Variants in CFAP70 observed in about 807,000 individuals in gnomAD.
CFAP70 encodes the protein cilia and flagella associated protein 70, also known as cilia- and flagella-associated protein 70.
In CFAP70, 81 loss-of-function variants were observed where a neutral mutation model predicts 137.6. The observed-to-expected ratio is 0.59, with a 90% CI of 0.49 to 0.71. The LOEUF is 0.71. Ranked by LOEUF, CFAP70 falls within the 30% of genes least tolerant of loss-of-function variation. The probability of loss-of-function intolerance (pLI) is 0.00; values close to 1 mark genes in which losing one functional copy is unlikely to be tolerated. For missense variants in CFAP70, 976 were observed against 1,226.7 expected, an observed-to-expected ratio of 0.80 and a Z score of 3.05; for synonymous variants, 382 against 423.6, an observed-to-expected ratio of 0.90 and a Z score of 1.20.
chr10:73,280,502 T>A (rs1238935576), intron 19 of CFAP70, among the ~76,000 whole-genome samples: 1 of 152,180 alleles, frequency 6.6e-6, no homozygotes, highest in Admixed American at 6.5e-5. Flanking sequence ...TGATTGGAAT[T>A]ATTTCTTCCT....
upstream of CFAP70, among the ~76,000 whole-genome samples, chr10:73,359,056 C>T (rs967918629): frequency 2.0e-4 from 30 of 152,160 alleles, no homozygotes; most frequent in African/African-American, 7.2e-4. Context: ...AAGAAAAAGG[C>T]CTTTATTAAA....
chr10:73,319,466 C>T (rs79231063), intron 9 of CFAP70, among the ~76,000 whole-genome samples: 15,418 of 152,214 alleles, frequency 0.1, 1,136 homozygotes, highest in Non-Finnish European at 0.16. Context: ...TGCAAGCCCC[C>T]CTACCCCCAC....
At chr10:73,285,394 G>A (rs189233875) in intron 19 of CFAP70, among the ~76,000 whole-genome samples, 4 of 152,204 alleles carry the variant, frequency 2.6e-5, no homozygotes, top group African/African-American at 7.2e-5. Flanking sequence ...TAAACTACAA[G>A]AAATATCAAA....
At chr10:73,292,478 G>A (rs989764759) in intron 16 of CFAP70, among the ~76,000 whole-genome samples, 1 of 152,084 alleles carries the variant, frequency 6.6e-6, no homozygotes, top group African/African-American at 2.4e-5. Context: ...CATGTTCATG[G>A]ATTGGATGAC....
At chr10:73,357,846 C>G (rs11000621) in intron 1 of CFAP70, among the ~76,000 whole-genome samples, 4,753 of 152,270 alleles carry the variant, frequency 0.031, 242 homozygotes, top group African/African-American at 0.1. Flanking sequence ...CAAATGCTTC[C>G]TAGTCCATGA....
At chr10:73,351,089 ATATATATATATATATATATATATG>A (rs1166065555) in intron 3 of CFAP70, among the ~76,000 whole-genome samples, 72 of 99,298 alleles carry the variant, frequency 7.3e-4, no homozygotes, top group Non-Finnish European at 9.5e-4. Context: ...ATATATATAT[ATATATATATATATATATATATATG>A]TATGTTTTGT....
chr10:73,304,856 A>G (rs2049249426), intron 12 of CFAP70, among the ~76,000 whole-genome samples: 1 of 149,360 alleles, frequency 6.7e-6, no homozygotes, highest in African/African-American at 2.5e-5. Context: ...TTAAAAAAAA[A>G]AAACACACAC....
chr10:73,334,423 A>C (rs1299543778), intron 7 of CFAP70, among the ~76,000 whole-genome samples: 1 of 152,180 alleles, frequency 6.6e-6, no homozygotes, highest in East Asian at 1.9e-4. Flanking sequence ...AATTTCTGCC[A>C]GAAATGTGAG....
intron 12 of CFAP70, among the ~76,000 whole-genome samples, chr10:73,303,478 A>G: frequency 6.6e-6 from 1 of 152,092 alleles, no homozygotes; most frequent in South Asian, 2.1e-4. Context: ...TTGGCCTCCC[A>G]AAGTGCTGGG....
At chr10:73,299,705 A>T (rs11000589) in intron 12 of CFAP70, 40 bp from the exon 14 acceptor site, 122,610 of 1,485,458 alleles carry the variant, frequency 0.083, 7,644 homozygotes, top group East Asian at 0.29. Context: ...ACAAAAAAAA[A>T]TTTATTATCT....
chr10:73,255,626 T>C (rs11000564), intron 26 of CFAP70, among the ~76,000 whole-genome samples: 2,524 of 149,432 alleles, frequency 0.017, 86 homozygotes, highest in African/African-American at 0.055. Flanking sequence ...TCACTACCTG[T>C]TTTTGTTTGT....
chr10:73,316,481 GATATAGATATATATATATATATAT>G (rs2050363698), intron 9 of CFAP70, among the ~76,000 whole-genome samples: 1 of 106,536 alleles, frequency 9.4e-6, no homozygotes, highest in Non-Finnish European at 1.9e-5. Flanking sequence ...TATATATATA[GATATAGATATATATATATATATAT>G]ATATATATGA....
At chr10:73,253,927 G>T in exon 27 of CFAP70, 1 of 1,465,804 alleles carries the variant, frequency 6.8e-7, no homozygotes, top group Non-Finnish European at 9.4e-7. Flanking sequence ...CTCTGGGAAG[G>T]AAAGGAACTC....
chr10:73,305,534 C>A (rs1049269759), intron 12 of CFAP70, among the ~76,000 whole-genome samples: 2 of 152,118 alleles, frequency 1.3e-5, no homozygotes, highest in Non-Finnish European at 2.9e-5. Flanking sequence ...ATATAAATGG[C>A]CTGGTTAAAT....
chr10:73,291,728 G>A, exon 18 of CFAP70: 5 of 1,614,068 alleles, frequency 3.1e-6, no homozygotes, highest in Non-Finnish European at 4.2e-6. Context: ...TCTCCAACAG[G>A]ACAGCCAGGA....
At chr10:73,279,517 C>T (rs897153082) in intron 19 of CFAP70, among the ~76,000 whole-genome samples, 3 of 140,342 alleles carry the variant, frequency 2.1e-5, no homozygotes, top group Non-Finnish European at 4.6e-5. Flanking sequence ...GAGCAAGACT[C>T]TGTCTCAATA....
intron 1 of CFAP70, among the ~76,000 whole-genome samples, chr10:73,356,906 A>G (rs2054724853): frequency 6.6e-6 from 1 of 152,168 alleles, no homozygotes; most frequent in South Asian, 2.1e-4. Context: ...CTCATTGAAA[A>G]AACTTGTTAA....
chr10:73,263,571 A>G (rs962027808), intron 25 of CFAP70, among the ~76,000 whole-genome samples: 2 of 152,186 alleles, frequency 1.3e-5, no homozygotes, highest in Non-Finnish European at 2.9e-5. Context: ...CCTCATAATC[A>G]TATCAGGTTA....
intron 5 of CFAP70, among the ~76,000 whole-genome samples, chr10:73,342,853 G>A (rs2053369498): frequency 6.6e-6 from 1 of 152,010 alleles, no homozygotes; most frequent in Admixed American, 6.6e-5. Flanking sequence ...GAGGCGGGCG[G>A]ATCACAAGGT....
Sources: gnomAD v4.1 joint callset for allele counts (sites outside exome capture counted in the v4.1 genomes callset) on GRCh38, gnomAD v4.1.1 for gene constraint, MANE v1.5 for transcripts, NCBI Gene and HGNC (gene_info 2026-07-23, HGNC 2026-07-21) for gene names.